INF2: variants seen among roughly 807,000 people sequenced by gnomAD.
The protein encoded by INF2 is inverted formin-2.
INF2 carries 43 observed loss-of-function variants against 123.5 expected under a neutral mutation model. That is an observed-to-expected ratio of 0.35 (90% CI 0.27 to 0.45). The LOEUF is 0.45. INF2 is among the 20% of genes least tolerant of loss of function. The pLI is 1.00. For synonymous variants in INF2, 851 were observed against 745.0 expected (o/e 1.14, Z -2.32); for missense variants, 1,453 against 1,682.7 (o/e 0.86, Z 2.39).
At chr14:104,713,925 G>A (rs1294443829) in intron 20 of INF2, among the ~76,000 whole-genome samples, 1 of 152,240 alleles carries the variant, frequency 6.6e-6, no homozygotes, top group Non-Finnish European at 1.5e-5. Flanking sequence ...GCTAGAGGTG[G>A]CAGGAAAGGC....
intron 22 of INF2, chr14:104,717,648 T>G (rs1890374092): frequency 6.6e-6 from 1 of 152,210 alleles, no homozygotes; most frequent in Non-Finnish European, 1.5e-5. Flanking sequence ...CGCCCCCAAG[T>G]AGGTCCAGGT....
At chr14:104,689,588 C>T (rs1362288157), upstream of INF2, 4 of 690,070 alleles carry the variant, frequency 5.8e-6, no homozygotes, top group Admixed American at 6.6e-5. Context: ...ACCTCCTCTT[C>T]CTCCCGCCCG....
Position 104,711,653 on chromosome 14 carries a change from C to A in INF2, c.2443C>A (p.Leu815Ile), listed in dbSNP as rs1188920496. 6.2e-7 allele frequency: 1 copy of A among 1,612,528 alleles called. No individual in the cohort carries two copies. Residue 815 changes from leucine to isoleucine, a missense_variant, in exon 16 of 23, where the codon CTC (leucine) becomes ATC (isoleucine). Around this residue, in one of 8 missense-constraint regions of INF2, gnomAD observed 212 missense variants for 266.2 expected, o/e 0.80. Coordinates refer to ENST00000392634, the MANE Select transcript of INF2 (RefSeq NM_022489.4). ...GGAAGCGGAAAAGAGCCACCCCGAC[C>A]TCCTGCAGCTGCCCCGGGACCTGGA... Reference protein sequence around the residue: ...LEEAEKSHPDLLQLPRDLEQP... With the variant: ...LEEAEKSHPDILQLPRDLEQP...
At chr14:104,686,773 T>C (rs1310467976), upstream of INF2, among the ~76,000 whole-genome samples, 1 of 152,186 alleles carries the variant, frequency 6.6e-6, no homozygotes, top group East Asian at 1.9e-4. Flanking sequence ...TGCAGGGCTG[T>C]CCTGACTGCA....
upstream of INF2, chr14:104,689,573 G>A (rs1888832555): frequency 1.1e-6 from 1 of 941,158 alleles, no homozygotes; most frequent in Non-Finnish European, 1.3e-6. Context: ...GACGGGCGGG[G>A]CGGCACCTCC....
chr14:104,700,701 T>C lies in INF2; in HGVS notation c.-9-656T>C, dbSNP rs370905515. Reference sequence around the variant, plus strand: ...GGGCTGGAGTCAGACCTGTTGCGACTGAATCCTGGTAAAACCCTGAGTGCC... The same window carrying C: ...GGGCTGGAGTCAGACCTGTTGCGACCGAATCCTGGTAAAACCCTGAGTGCC... On this transcript the variant is annotated intron_variant, in intron 1 of 22. Transcript: ENST00000392634. 2.3e-5 allele frequency: 7 copies of C among 308,358 alleles called. No homozygotes were observed. In the East Asian group the frequency reaches 1.0e-3, roughly 46 times the overall value. 19.1% of individuals were successfully genotyped at this position (308,358 alleles called of 1,614,324 possible).
chr14:104,682,014 G>A (rs777293902), intron 1 of INF2, among the ~76,000 whole-genome samples: 2 of 152,210 alleles, frequency 1.3e-5, no homozygotes, highest in Non-Finnish European at 2.9e-5. Flanking sequence ...GGGCCTGGAG[G>A]AGTTCCCTGG....
intron 11 of INF2, 27 bp downstream of exon 11, chr14:104,709,410 C>T: frequency 6.4e-7 from 1 of 1,563,740 alleles, no homozygotes; most frequent in South Asian, 1.1e-5. Flanking sequence ...CACACCCCAC[C>T]CCCAGTTAGT....
rs941477086 is a variant in INF2, at chr14:104,711,157, C to T, written c.2389C>T (p.Arg797Cys). 6 of 1,568,654 alleles carry T rather than the reference C, an allele frequency of 3.8e-6. No individual in the cohort carries two copies. The highest frequency in any genetic ancestry group is 1.9e-5 in the Admixed American group (1 of 53,944). Residue 797 changes from arginine (R) to cysteine (C), a missense_variant, in exon 15 of 23, where the codon CGC becomes TGC. By Grantham distance (180) the Arg-to-Cys change is radical (BLOSUM62 -3). Transcript: ENST00000392634. ...CACGGAGACCAAGTCCCAGCAGAACCGCGTGACGCTGCTGCACCACGTGCT... is the reference window on the plus strand; with the variant it reads ...CACGGAGACCAAGTCCCAGCAGAACTGCGTGACGCTGCTGCACCACGTGCT... ...KLTETKSQQN[R>C]VTLLHHVLEE...
intron 1 of INF2, among the ~76,000 whole-genome samples, chr14:104,682,812 T>TC (rs898947952): frequency 2.3e-4 from 35 of 151,254 alleles, no homozygotes; most frequent in Non-Finnish European, 4.3e-4. Context: ...AATCCTCACG[T>TC]CCCCCCCGGA....
Position 104,718,900 on chromosome 14 carries a change from G to A in INF2, c.*107G>A, listed in dbSNP as rs1408257886. ...GGGGGCCAGGCTGGGACTGGGCCCC[G>A]GAAACCAAAACTCCGTGCCTTACCC... is the stretch of plus-strand genomic sequence containing the variant. On this transcript the variant is annotated 3_prime_UTR_variant, in exon 23 of 23. Coordinates refer to ENST00000392634, the MANE Select transcript of INF2 (RefSeq NM_022489.4). 4 of 1,553,406 alleles carry A rather than the reference G, an allele frequency of 2.6e-6. No individual in the cohort carries two copies. The highest frequency in any genetic ancestry group is 2.3e-5 in the East Asian group (1 of 44,030).
intron 2 of INF2, among the ~76,000 whole-genome samples, chr14:104,702,358 C>T (rs1413243873): frequency 6.6e-6 from 1 of 152,152 alleles, no homozygotes; most frequent in Non-Finnish European, 1.5e-5. Flanking sequence ...GCCTTTGCGT[C>T]CTCCAAGGTC....
chr14:104,713,421 C>T (rs1890149327), intron 19 of INF2, 24 bp from the exon 20 acceptor site: 1 of 1,604,802 alleles, frequency 6.2e-7, no homozygotes, highest in South Asian at 1.1e-5. Flanking sequence ...CCATGCCGCT[C>T]TCTGAGTGCC....
At chr14:104,696,138 G>A (rs1013635629) in intron 1 of INF2, among the ~76,000 whole-genome samples, 2 of 152,318 alleles carry the variant, frequency 1.3e-5, no homozygotes, top group South Asian at 2.1e-4. Context: ...TGCTGAGAGC[G>A]CCTTTCTGCC....
rs753660816 is a variant in INF2 at position 104,712,539 on chromosome 14, A to G, written c.2596A>G (p.Thr866Ala). 2 of 1,612,496 alleles carry G rather than the reference A, an allele frequency of 1.2e-6. No individual in the cohort carries two copies. The highest frequency in any genetic ancestry group is 1.7e-6 in the Non-Finnish European group (2 of 1,179,800). ...CGTGGCCGAGGTCCAGGAGCAGTAC[A>G]CCGAGCGCCTCCAGGCAAGTGGGCA... ...ASVAEVQEQY[T>A]ERLQASISAF... The change falls in exon 17 of 23, where the codon ACC becomes GCC. Residue 866 changes from threonine to alanine, a missense_variant. By Grantham distance (58) the Thr-to-Ala change is moderately conservative. This residue lies in a region of INF2 where 212 missense variants were observed against 266.2 expected (regional missense o/e 0.80). Transcript: ENST00000392634.
chr14:104,687,122 C>T (rs1444833957), upstream of INF2, among the ~76,000 whole-genome samples: 1 of 152,184 alleles, frequency 6.6e-6, no homozygotes, highest in Non-Finnish European at 1.5e-5. This position sits in a 1 kb window ranked among gnomAD's most constrained non-coding sequence, Gnocchi z 5.6. Flanking sequence ...GGGGAGGCTC[C>T]AGGCAGGCCA....
chr14:104,707,240 T>C lies in INF2; in HGVS notation c.986-13T>C. The C allele has an allele frequency of 6.2e-7, 1 of 1,602,590 alleles. No individual in the cohort carries two copies. ...CTCCCTTCTCCCTTGACCCTGGACA[T>C]CCCCTACTGCAGCCCAGGAATGCAC... is the stretch of plus-strand genomic sequence containing the variant. On this transcript the variant is annotated splice_polypyrimidine_tract_variant and intron_variant, in intron 7 of 22. Transcript: ENST00000392634.
Position 104,721,265 on chromosome 14 carries a change from A to G in INF2, c.*2472A>G, listed in dbSNP as rs1277802160. On this transcript the variant is annotated 3_prime_UTR_variant, in exon 23 of 23. Transcript: ENST00000392634. Reference sequence around the variant, plus strand: ...TGGATGCTGCTGTGGACGTCTGCGTAGTCTCGTGTGGATGCTGCTGTGGAC... The same window carrying G: ...TGGATGCTGCTGTGGACGTCTGCGTGGTCTCGTGTGGATGCTGCTGTGGAC... 10 of 105,250 alleles carry G rather than the reference A, an allele frequency of 9.5e-5. No homozygotes were observed. Among genetic ancestry groups the G allele is most frequent in the African/African-American group, 4.0e-4 (10 of 25,272 alleles). The allele number at this position is 105,250 out of a possible 1,614,324, so 6.5% of individuals were successfully genotyped here.
chr14:104,714,370 C>G lies in INF2; in HGVS notation c.3208C>G (p.Arg1070Gly). The G allele has an allele frequency of 3.1e-6, 5 of 1,596,890 alleles. No individual in the cohort carries two copies. The highest frequency in any genetic ancestry group is 4.3e-6 in the Non-Finnish European group (5 of 1,172,408). ...TLEQLEEGGP[R>G]PLERRSSWYV... ...GGAGCAGTTGGAGGAGGGTGGTCCA[C>G]GGCCCCTGGAGAGGCGTTCTTCCTG... The change falls in exon 21 of 23, where the codon CGG becomes GGG. Residue 1070 changes from arginine (R) to glycine (G), a missense_variant. Transcript: ENST00000392634.
Sources: allele counts gnomAD v4.1 joint callset (sites outside exome capture counted in the v4.1 genomes callset), GRCh38; gene constraint gnomAD v4.1.1; regional missense constraint gnomAD v4.1.1; non-coding constraint Gnocchi (gnomAD v3.1); transcripts MANE v1.5; gene names NCBI Gene and HGNC (gene_info 2026-07-23, HGNC 2026-07-21).